The following ASAP1 variants were observed in gnomAD, a reference collection of about 807,000 sequenced individuals.
ASAP1 encodes ArfGAP with SH3 domain, ankyrin repeat and PH domain 1.
Under a neutral mutation model 145.2 loss-of-function variants are expected in ASAP1, and 43 were observed. The observed-to-expected ratio is 0.30, with a 90% CI of 0.23 to 0.38. ASAP1 has a LOEUF of 0.38. Ranked by LOEUF, ASAP1 falls within the 10% of genes least tolerant of loss-of-function variation. The pLI, the probability that ASAP1 is intolerant of heterozygous loss-of-function variation, is 1.00. For missense variants in ASAP1, 1,018 were observed against 1,355.3 expected (o/e 0.75, Z 3.91); for synonymous variants, 546 against 515.5 (o/e 1.06, Z -0.80).
At chr8:130,242,838 A>G (rs1818622179) in intron 3 of ASAP1, among the ~76,000 whole-genome samples, 2 of 152,110 alleles carry the variant, frequency 1.3e-5, no homozygotes, top group Admixed American at 1.3e-4. Context: ...CAAAAAGGGG[A>G]AAGATATAGG....
intron 4 of ASAP1, among the ~76,000 whole-genome samples, chr8:130,234,971 C>A (rs1009285871): frequency 2.6e-5 from 4 of 152,138 alleles, no homozygotes; most frequent in African/African-American, 4.8e-5. Flanking sequence ...TTGTTAGGCA[C>A]CTACTATGTG....
chr8:130,173,238 AC>A (rs1813705917), intron 9 of ASAP1, among the ~76,000 whole-genome samples: 1 of 152,242 alleles, frequency 6.6e-6, no homozygotes, highest in Non-Finnish European at 1.5e-5. Context: ...GAATAAAATA[AC>A]CATGGCAGTC....
rs1336611788 is a variant in ASAP1 at position 130,398,242 on chromosome 8, C to A, written c.59+3643G>T. On this transcript the variant is annotated intron_variant, in intron 2 of 29. Coordinates refer to ENST00000518721, the MANE Select transcript of ASAP1 (RefSeq NM_018482.4). ...ATCAGGAAACAGCACATTAGCACAA[C>A]CACAGAAACCTGCCTTATGCTTCCT... 7.2e-5 allele frequency among the ~76,000 whole-genome samples: 11 copies of A among 152,336 alleles called. No individual in the cohort carries two copies. The East Asian group carries it at 1.7e-3, about 24-fold the overall frequency.
chr8:130,209,951 C>T (rs1270403254), intron 5 of ASAP1, among the ~76,000 whole-genome samples: 1 of 152,104 alleles, frequency 6.6e-6, no homozygotes. Flanking sequence ...TCAGTGGAAG[C>T]TAAAATTTTG....
chr8:130,276,728 A>ACACACACCCTCT (rs548512902), intron 3 of ASAP1, among the ~76,000 whole-genome samples: 1 of 87,272 alleles, frequency 1.1e-5, no homozygotes, highest in Non-Finnish European at 2.2e-5. Context: ...ACACACACAC[A>ACACACACCCTCT]CTCTCTCTCT....
intron 24 of ASAP1, among the ~76,000 whole-genome samples, chr8:130,093,180 A>C (rs1203638977): frequency 6.6e-6 from 1 of 152,150 alleles, no homozygotes; most frequent in Non-Finnish European, 1.5e-5. Context: ...CCACATACAC[A>C]CAAAAATGGG....
chr8:130,248,577 T>C (rs1819000977), intron 3 of ASAP1, among the ~76,000 whole-genome samples: 1 of 151,738 alleles, frequency 6.6e-6, no homozygotes, highest in Non-Finnish European at 1.5e-5. Flanking sequence ...GCCTCTAGGG[T>C]TTTAGAACAA....
intron 5 of ASAP1, among the ~76,000 whole-genome samples, chr8:130,213,866 T>C (rs887486283): frequency 6.6e-6 from 1 of 152,146 alleles, no homozygotes; most frequent in Non-Finnish European, 1.5e-5. Context: ...GGGAGGGGGT[T>C]GCAGCACAAC....
chr8:130,069,916 AAG>A (rs934606580), intron 27 of ASAP1, among the ~76,000 whole-genome samples: 93 of 152,354 alleles, frequency 6.1e-4, no homozygotes, highest in African/African-American at 2.1e-3. Context: ...CTTTTTGCGC[AAG>A]AGAGAGTAAA....
At chr8:130,360,314 A>G (rs761307785) in intron 2 of ASAP1, among the ~76,000 whole-genome samples, 5 of 152,244 alleles carry the variant, frequency 3.3e-5, no homozygotes, top group Non-Finnish European at 5.9e-5. Flanking sequence ...CCTGTTGTCT[A>G]TGGCATCTTG....
In ASAP1 at chr8:130,153,228, C is replaced by T. The variant is rs566643098; in HGVS notation, c.1011-423G>A. On this transcript the variant is annotated intron_variant, in intron 12 of 29. Transcript: ENST00000518721. ...AGAAATGGGGCTTCACCATCTTGGCCAGGCTGGTCTCGAACTCCTGACCTC... is the reference window on the plus strand; with the variant it reads ...AGAAATGGGGCTTCACCATCTTGGCTAGGCTGGTCTCGAACTCCTGACCTC... Among the ~76,000 whole-genome samples, 246 of 150,846 alleles carry T rather than the reference C, an allele frequency of 1.6e-3. 1 individual carries two copies. The highest frequency in any genetic ancestry group is 2.9e-3 in the Non-Finnish European group (198 of 67,758).
chr8:130,432,284 G>C (rs893804696), intron 1 of ASAP1, among the ~76,000 whole-genome samples: 1 of 152,162 alleles, frequency 6.6e-6, no homozygotes, highest in Non-Finnish European at 1.5e-5. Context: ...AGGCTTTTCA[G>C]AGATGGTGCA....
intron 18 of ASAP1, among the ~76,000 whole-genome samples, chr8:130,123,740 C>T (rs1159539586): frequency 6.6e-6 from 1 of 152,118 alleles, no homozygotes; most frequent in Non-Finnish European, 1.5e-5. Context: ...CATTCTCCTG[C>T]CTCAGCCTCC....
At chr8:130,379,709 C>T (rs1827678079) in intron 2 of ASAP1, among the ~76,000 whole-genome samples, 1 of 152,228 alleles carries the variant, frequency 6.6e-6, no homozygotes, top group Non-Finnish European at 1.5e-5. Flanking sequence ...AAACACTCTA[C>T]TTCACCAGAG....
At chr8:130,330,426 C>T (rs79953081) in intron 3 of ASAP1, among the ~76,000 whole-genome samples, 4 of 152,342 alleles carry the variant, frequency 2.6e-5, no homozygotes, top group Admixed American at 1.3e-4. Context: ...CAGCTCTGAC[C>T]GGTCTATGCT....
chr8:130,360,496 G>A (rs536560056), intron 2 of ASAP1, among the ~76,000 whole-genome samples: 35 of 152,312 alleles, frequency 2.3e-4, no homozygotes, highest in Non-Finnish European at 4.3e-4. Flanking sequence ...CCTGCACTGT[G>A]CCTCCAGCGA....
intron 15 of ASAP1, among the ~76,000 whole-genome samples, chr8:130,130,953 G>A (rs918716747): frequency 2.0e-5 from 3 of 151,986 alleles, no homozygotes; most frequent in Non-Finnish European, 1.5e-5. Flanking sequence ...TCAGGAGATC[G>A]AGACCATCCT....
chr8:130,346,156 A>C (rs1825691140), intron 3 of ASAP1, among the ~76,000 whole-genome samples: 1 of 152,248 alleles, frequency 6.6e-6, no homozygotes, highest in South Asian at 2.1e-4. Flanking sequence ...TAAAAACAAA[A>C]CAAGTTTAAA....
chr8:130,251,772 A>G (rs1586686001), intron 3 of ASAP1, among the ~76,000 whole-genome samples: 1 of 152,324 alleles, frequency 6.6e-6, no homozygotes, highest in African/African-American at 2.4e-5. Flanking sequence ...TAGCAAACAT[A>G]TGCAAGTAAT....
Sources: gnomAD v4.1 joint callset for allele counts (sites outside exome capture counted in the v4.1 genomes callset) on GRCh38, gnomAD v4.1.1 for gene constraint, MANE v1.5 for transcripts, NCBI Gene and HGNC (gene_info 2026-07-23, HGNC 2026-07-21) for gene names.